The following METAP1D variants were observed in gnomAD, a reference collection of about 807,000 sequenced individuals.
The protein encoded by METAP1D is methionyl aminopeptidase type 1D, mitochondrial.
In METAP1D, 31 loss-of-function variants were observed where a neutral mutation model predicts 40.5. The observed-to-expected ratio is 0.77, with a 90% CI of 0.58 to 1.03. The LOEUF is 1.03. Among genes scored for constraint, METAP1D ranks in the 50% least tolerant of loss-of-function variants. METAP1D has a pLI of 0.00. For missense variants in METAP1D, 411 were observed against 420.7 expected (o/e 0.98, Z 0.20); for synonymous variants, 151 against 146.4 (o/e 1.03, Z -0.22).
At chr2:172,020,644 T>C (rs1435730822) in intron 1 of METAP1D, among the ~76,000 whole-genome samples, 1 of 152,150 alleles carries the variant, frequency 6.6e-6, no homozygotes, top group African/African-American at 2.4e-5. Flanking sequence ...CCCTACCCTA[T>C]AGGAGTTTGC....
chr2:172,050,761 G>C (rs788166), intron 1 of METAP1D, among the ~76,000 whole-genome samples: 85,215 of 152,004 alleles, frequency 0.56, 24,391 homozygotes, highest in Middle Eastern at 0.64. Flanking sequence ...CTACTCTGAT[G>C]AGAGCTTGTC....
At chr2:172,028,665 A>G (rs991119769) in intron 1 of METAP1D, among the ~76,000 whole-genome samples, 1 of 151,732 alleles carries the variant, frequency 6.6e-6, no homozygotes, top group Non-Finnish European at 1.5e-5. Context: ...TATCTTGGTC[A>G]TCTCTGAAAG....
At chr2:172,062,890 G>A (rs1268688528) in intron 2 of METAP1D, among the ~76,000 whole-genome samples, 1 of 152,216 alleles carries the variant, frequency 6.6e-6, no homozygotes, top group Non-Finnish European at 1.5e-5. Context: ...CTGCTGTGGA[G>A]CCTAACTGTG....
At chr2:172,049,431 A>G (rs1689839651) in intron 1 of METAP1D, among the ~76,000 whole-genome samples, 1 of 151,382 alleles carries the variant, frequency 6.6e-6, no homozygotes, top group African/African-American at 2.4e-5. Context: ...ATGTTTACTT[A>G]TATACATATA....
intron 1 of METAP1D, among the ~76,000 whole-genome samples, chr2:172,042,226 CACATATACATAT>C (rs1689559213): frequency 3.9e-4 from 2 of 5,138 alleles, no homozygotes; most frequent in African/African-American, 3.1e-4. Context: ...TACATGTGTA[CACATATACATAT>C]GTATGTGTAC....
chr2:172,011,174 ACAAT>A (rs773692895), intron 1 of METAP1D, among the ~76,000 whole-genome samples: 25 of 152,096 alleles, frequency 1.6e-4, no homozygotes, highest in Non-Finnish European at 3.1e-4. Flanking sequence ...AAGCATCACC[ACAAT>A]CAGTTTTACA....
At chr2:172,059,982 C>T (rs775544137) in intron 1 of METAP1D, among the ~76,000 whole-genome samples, 4 of 151,862 alleles carry the variant, frequency 2.6e-5, no homozygotes, top group African/African-American at 4.8e-5. Flanking sequence ...ACCTGGGAGG[C>T]GGAGGTTGCA....
At chr2:172,068,692 T>G (rs1690349031) in intron 5 of METAP1D, among the ~76,000 whole-genome samples, 1 of 151,926 alleles carries the variant, frequency 6.6e-6, no homozygotes, top group Non-Finnish European at 1.5e-5. Context: ...TTTTGTATTT[T>G]AAGTAGAGGC....
At chr2:172,006,134 A>G (rs971323511) in intron 1 of METAP1D, among the ~76,000 whole-genome samples, 4 of 152,164 alleles carry the variant, frequency 2.6e-5, no homozygotes, top group African/African-American at 7.2e-5. Context: ...CTAAGTGTAT[A>G]TAACATGTAT....
intron 1 of METAP1D, among the ~76,000 whole-genome samples, chr2:172,013,080 C>T (rs1688766530): frequency 6.6e-6 from 1 of 152,204 alleles, no homozygotes; most frequent in Non-Finnish European, 1.5e-5. Context: ...AGTATATGAT[C>T]TGTGCAGCAG....
rs1212935904 is a variant in METAP1D at position 172,018,446 on chromosome 2, A to G, written c.40+18437A>G. On this transcript the variant is annotated intron_variant, in intron 1 of 9. Transcript: ENST00000315796. ...GTAGAGAAAGCAAGAATTCCCAGGA[A>G]TCAACTGGTGGCACCAGGTATCTCT... Among the ~76,000 whole-genome samples the G allele has an allele frequency of 2.0e-5, 3 of 152,192 alleles. No individual in the cohort carries two copies. In the East Asian group the frequency reaches 5.8e-4, roughly 29 times the overall value.
At chr2:172,017,710 G>A (rs891376957) in intron 1 of METAP1D, among the ~76,000 whole-genome samples, 2 of 152,076 alleles carry the variant, frequency 1.3e-5, no homozygotes, top group Non-Finnish European at 2.9e-5. Flanking sequence ...AAAAACTTGA[G>A]GCCCTTCAAG....
At chr2:172,015,166 G>A (rs1047589602) in intron 1 of METAP1D, among the ~76,000 whole-genome samples, 4 of 151,952 alleles carry the variant, frequency 2.6e-5, no homozygotes, top group African/African-American at 7.3e-5. Context: ...TAATTAAGTC[G>A]GGCGTGGTGG....
At chr2:172,068,171 G>A (rs1010220713) in intron 5 of METAP1D, among the ~76,000 whole-genome samples, 2 of 152,140 alleles carry the variant, frequency 1.3e-5, no homozygotes, top group Non-Finnish European at 2.9e-5. Context: ...ATCACCTGAG[G>A]TCAGGAGTTC....
chr2:172,052,114 C>T (rs188718567), intron 1 of METAP1D, among the ~76,000 whole-genome samples: 244 of 152,276 alleles, frequency 1.6e-3, no homozygotes, highest in African/African-American at 5.7e-3. Flanking sequence ...TTATTTTCAG[C>T]ATTAAAGAAA....
At chr2:172,054,562 T>G (rs1230221743) in intron 1 of METAP1D, among the ~76,000 whole-genome samples, 1 of 145,410 alleles carries the variant, frequency 6.9e-6, no homozygotes, top group Non-Finnish European at 1.6e-5. Flanking sequence ...CATTCCTCCC[T>G]CCATCATACT....
chr2:172,015,580 T>A (rs1688835728), intron 1 of METAP1D, among the ~76,000 whole-genome samples: 1 of 152,260 alleles, frequency 6.6e-6, no homozygotes. Context: ...TGAGATGGGC[T>A]GTTGTATGGT....
intron 6 of METAP1D, 83 bp downstream of exon 6, chr2:172,071,153 G>A (rs1219476937): frequency 1.6e-6 from 2 of 1,229,304 alleles, no homozygotes; most frequent in Admixed American, 3.4e-5. Context: ...TTGATGACAT[G>A]TTTTATGATT....
At chr2:172,057,450 A>G (rs966359482) in intron 1 of METAP1D, among the ~76,000 whole-genome samples, 5 of 152,058 alleles carry the variant, frequency 3.3e-5, no homozygotes, top group Non-Finnish European at 7.4e-5. Context: ...CAAATTTTCC[A>G]TTTCATATCC....
Sources: allele counts gnomAD v4.1 joint callset (sites outside exome capture counted in the v4.1 genomes callset), GRCh38; gene constraint gnomAD v4.1.1; transcripts MANE v1.5; gene names NCBI Gene and HGNC (gene_info 2026-07-23, HGNC 2026-07-21).